Variants in DYNC2I1 observed in about 807,000 individuals in gnomAD.
DYNC2I1 encodes the protein cytoplasmic dynein 2 intermediate chain 1.
In DYNC2I1, 89 loss-of-function variants were observed where a neutral mutation model predicts 133.4. The observed-to-expected ratio is 0.67, with a 90% CI of 0.56 to 0.80. DYNC2I1 has a LOEUF of 0.80. DYNC2I1 is among the 30% of genes least tolerant of loss of function. DYNC2I1 has a pLI of 0.00. For missense variants in DYNC2I1, 1,291 were observed against 1,314.5 expected (o/e 0.98, Z 0.28); for synonymous variants, 504 against 484.3 (o/e 1.04, Z -0.54).
rs150297843 is a variant in DYNC2I1, at chr7:158,938,233, C to G, written c.2778+3684C>G. Among the ~76,000 whole-genome samples, 127 of 152,246 alleles carry G rather than the reference C, an allele frequency of 8.3e-4. 1 individual carries two copies. Among genetic ancestry groups the G allele is most frequent in the Middle Eastern group, 6.8e-3 (2 of 294 alleles). On this transcript the variant is annotated intron_variant, in intron 23 of 24. Transcript: ENST00000407559. ...CCTAAAAGCAGTGAGAGATAAGAAG[C>G]AAATAACATATAAAGGAGTTCCAGT... is the stretch of plus-strand genomic sequence containing the variant.
intron 8 of DYNC2I1, among the ~76,000 whole-genome samples, chr7:158,900,806 C>A (rs1846175445): frequency 7.0e-6 from 1 of 142,976 alleles, no homozygotes; most frequent in Non-Finnish European, 1.5e-5. Flanking sequence ...ATTGAGGTAT[C>A]ATCAAGCACA....
At chr7:158,867,615 C>T (rs1198109457) in intron 1 of DYNC2I1, among the ~76,000 whole-genome samples, 1 of 152,116 alleles carries the variant, frequency 6.6e-6, no homozygotes, top group East Asian at 1.9e-4. Flanking sequence ...CCTTTACTGT[C>T]CTCATGGTTC....
At chr7:158,911,457 G>A in intron 11 of DYNC2I1, 93 bp from the exon 12 acceptor site, 1 of 1,356,440 alleles carries the variant, frequency 7.4e-7, no homozygotes, top group Non-Finnish European at 1.0e-6. Context: ...ACAATAACAT[G>A]CATTTAACTC....
chr7:158,936,599 CCT>C (rs1245478072), intron 23 of DYNC2I1, among the ~76,000 whole-genome samples: 4 of 152,214 alleles, frequency 2.6e-5, no homozygotes, highest in Admixed American at 6.5e-5. Flanking sequence ...AAGAAATACC[CCT>C]GAGGACACCC....
the DYNC2I1 span, among the ~76,000 whole-genome samples, chr7:158,841,584 A>G: frequency 3.3e-5 from 5 of 152,176 alleles, no homozygotes; most frequent in African/African-American, 1.2e-4. Context: ...TGAACTCTGT[A>G]TGTCACCTAG....
chr7:158,888,477 A>G (rs559487799), intron 7 of DYNC2I1, among the ~76,000 whole-genome samples: 46 of 150,150 alleles, frequency 3.1e-4, no homozygotes, highest in African/African-American at 1.1e-3. Context: ...ACATATATAT[A>G]TATATATACG....
At chr7:158,873,002 C>G (rs1203924768) in intron 3 of DYNC2I1, among the ~76,000 whole-genome samples, 1 of 151,560 alleles carries the variant, frequency 6.6e-6, no homozygotes, top group African/African-American at 2.4e-5. Context: ...AAAAAAAAAC[C>G]CAAAAAACAC....
At chr7:158,909,694 C>T (rs1375411602) in intron 11 of DYNC2I1, among the ~76,000 whole-genome samples, 2 of 152,144 alleles carry the variant, frequency 1.3e-5, no homozygotes, top group Admixed American at 6.5e-5. Flanking sequence ...GAGCCGAGGT[C>T]CTGGAAAGAA....
intron 1 of DYNC2I1, among the ~76,000 whole-genome samples, chr7:158,862,515 G>A (rs1234716550): frequency 1.4e-5 from 2 of 147,570 alleles, no homozygotes; most frequent in East Asian, 2.0e-4. Context: ...ATGGGAGTTC[G>A]AGGCCAGCCT....
At chr7:158,840,727 G>A in the DYNC2I1 span, among the ~76,000 whole-genome samples, 4 of 152,236 alleles carry the variant, frequency 2.6e-5, no homozygotes, top group Non-Finnish European at 5.9e-5. Context: ...CAGTGGGGGA[G>A]GTTTTCAGTG....
intron 21 of DYNC2I1, among the ~76,000 whole-genome samples, chr7:158,932,928 A>G (rs1413754538): frequency 6.6e-6 from 1 of 152,208 alleles, no homozygotes; most frequent in Non-Finnish European, 1.5e-5. Flanking sequence ...ACCACTTGCC[A>G]GGCGAGGATA....
At chr7:158,926,958 G>T (rs1316947858) in intron 19 of DYNC2I1, 34 bp from the exon 20 acceptor site, 1 of 1,499,176 alleles carries the variant, frequency 6.7e-7, no homozygotes, top group Non-Finnish European at 9.1e-7. Flanking sequence ...ATTATAAAAT[G>T]TATCAATATT....
At chr7:158,862,622 A>T (rs1025462230) in intron 1 of DYNC2I1, among the ~76,000 whole-genome samples, 1 of 149,364 alleles carries the variant, frequency 6.7e-6, no homozygotes, top group Non-Finnish European at 1.5e-5. Flanking sequence ...CAGGAGGCTG[A>T]GGTGGGAGGA....
chr7:158,921,706 T>C (rs1849111354), intron 15 of DYNC2I1, among the ~76,000 whole-genome samples: 1 of 152,086 alleles, frequency 6.6e-6, no homozygotes, highest in Non-Finnish European at 1.5e-5. Context: ...TTGTGGTGTG[T>C]GTGTGGCTGG....
intron 10 of DYNC2I1, chr7:158,905,158 T>TTTTTTTTTTTTTA: frequency 7.4e-6 from 3 of 403,132 alleles, no homozygotes; most frequent in Admixed American, 3.0e-5. Context: ...TTTTTTTTTT[T>TTTTTTTTTTTTTA]GAGACAGAGT....
At chr7:158,906,228 C>T in intron 11 of DYNC2I1, 137 bp downstream of exon 11, 1 of 708,048 alleles carries the variant, frequency 1.4e-6, no homozygotes, top group Non-Finnish European at 2.4e-6. Context: ...TTGTACTACA[C>T]TTTTGTGTTG....
In DYNC2I1 at chr7:158,918,883, C is replaced by G; in HGVS notation, c.1921+14C>G. On this transcript the variant is annotated intron_variant, in intron 15 of 24. Coordinates refer to ENST00000407559, the MANE Select transcript of DYNC2I1 (RefSeq NM_018051.5). The stretch of plus-strand genomic sequence containing the variant: ...CATTCCTTCAAAGTAAGAGGCTGTT[C>G]TCAAATATGATTTTAAATCCAGTGA... 1 of 1,606,652 alleles carries G rather than the reference C, an allele frequency of 6.2e-7. No homozygotes were observed. The highest frequency in any genetic ancestry group is 1.1e-5 in the South Asian group (1 of 90,396).
downstream of DYNC2I1, among the ~76,000 whole-genome samples, chr7:158,948,358 A>C (rs1851953232): frequency 6.6e-6 from 1 of 152,080 alleles, no homozygotes; most frequent in African/African-American, 2.4e-5. Context: ...GCGGTAATTT[A>C]ATTTTCTCTT....
At chr7:158,881,043 G>C (rs1843948424) in intron 5 of DYNC2I1, among the ~76,000 whole-genome samples, 1 of 152,194 alleles carries the variant, frequency 6.6e-6, no homozygotes, top group Admixed American at 6.5e-5. Flanking sequence ...TAGAGCTGGT[G>C]GCCACTGCAG....
Sources: allele counts gnomAD v4.1 joint callset (sites outside exome capture counted in the v4.1 genomes callset), GRCh38; gene constraint gnomAD v4.1.1; transcripts MANE v1.5; gene names NCBI Gene and HGNC (gene_info 2026-07-23, HGNC 2026-07-21).